Variants in CLEC2A observed in about 807,000 individuals in gnomAD.
The protein encoded by CLEC2A is keratinocyte-associated C-type lectin.
In CLEC2A, 19 loss-of-function variants were observed where a neutral mutation model predicts 18.6. The observed-to-expected ratio is 1.02, with a 90% CI of 0.71 to 1.50. The LOEUF (loss-of-function observed/expected upper bound fraction) is 1.50. Ranked by LOEUF, CLEC2A falls within the 40% of genes most tolerant of loss-of-function variation. CLEC2A has a pLI of 0.00. For missense variants in CLEC2A, 190 were observed against 207.9 expected (o/e 0.91, Z 0.53); for synonymous variants, 74 against 64.0 (o/e 1.16, Z -0.75).
the CLEC2A span, among the ~76,000 whole-genome samples, chr12:9,879,017 A>G: frequency 6.6e-6 from 1 of 152,162 alleles, no homozygotes; most frequent in South Asian, 2.1e-4. Context: ...TCTGATATCA[A>G]CGGCAATAAT....
the CLEC2A span, among the ~76,000 whole-genome samples, chr12:9,879,359 G>T: frequency 6.6e-6 from 1 of 152,148 alleles, no homozygotes; most frequent in African/African-American, 2.4e-5. Flanking sequence ...AACTGGGGAG[G>T]AGGTAGGTTT....
intron 4 of CLEC2A, among the ~76,000 whole-genome samples, chr12:9,907,750 C>G (rs1288841012): frequency 6.6e-6 from 1 of 152,152 alleles, no homozygotes; most frequent in Non-Finnish European, 1.5e-5. Context: ...CTAGGGGAAT[C>G]TGTGAACCCT....
downstream of CLEC2A, among the ~76,000 whole-genome samples, chr12:9,897,555 C>T (rs1257298860): frequency 2.7e-5 from 4 of 148,444 alleles, no homozygotes; most frequent in Admixed American, 2.0e-4. Context: ...AGAAAACGCT[C>T]AGTATAAAAA....
chr12:9,907,366 A>T (rs1862920777), intron 4 of CLEC2A, among the ~76,000 whole-genome samples: 1 of 152,196 alleles, frequency 6.6e-6, no homozygotes, highest in South Asian at 2.1e-4. Context: ...TTGGTATAAA[A>T]GTTTAGTTTT....
At chr12:9,885,032 C>A in the CLEC2A span, 36 of 1,190,382 alleles carry the variant, frequency 3.0e-5, no homozygotes, top group African/African-American at 3.8e-4. Context: ...GAAGTTCTGG[C>A]GTGAGTAGTA....
At chr12:9,927,417 T>C (rs796356459) in intron 1 of CLEC2A, among the ~76,000 whole-genome samples, 14 of 152,340 alleles carry the variant, frequency 9.2e-5, no homozygotes, top group African/African-American at 2.9e-4. Context: ...CATTGTTCTA[T>C]GGTGCATGAC....
chr12:9,905,667 A>G (rs1862897005), intron 4 of CLEC2A, among the ~76,000 whole-genome samples: 1 of 151,612 alleles, frequency 6.6e-6, no homozygotes, highest in South Asian at 2.1e-4. Context: ...CATTCTTTCT[A>G]CTCTTCCTGA....
chr12:9,912,085 G>GA (rs143502158), downstream of CLEC2A, among the ~76,000 whole-genome samples: 11,346 of 150,462 alleles, frequency 0.075, 484 homozygotes, highest in African/African-American at 0.1. Context: ...CCTCTAAAAG[G>GA]AAAAAAAAAT....
rs918636953 is a variant in CLEC2A at position 9,929,817 on chromosome 12, T to C, written c.55+2458A>G. ...CAAGATGTCCAATACAAAAATTAGC[T>C]ATTTCTTGAAAGATCAGTAGATTAC... On this transcript the variant is annotated intron_variant, in intron 1 of 4. Transcript: ENST00000455827. Among the ~76,000 whole-genome samples the C allele has an allele frequency of 3.9e-5, 6 of 152,292 alleles. No homozygotes were observed. The East Asian group carries it at 5.8e-4, about 15-fold the overall frequency.
At chr12:9,906,249 T>C (rs1231705188) in intron 4 of CLEC2A, among the ~76,000 whole-genome samples, 2 of 152,122 alleles carry the variant, frequency 1.3e-5, no homozygotes, top group Non-Finnish European at 2.9e-5. Context: ...CATATTTTGA[T>C]TAATTTTTCC....
chr12:9,931,075 T>G (rs1027465310), intron 1 of CLEC2A, among the ~76,000 whole-genome samples: 6 of 152,140 alleles, frequency 3.9e-5, no homozygotes, highest in Admixed American at 3.9e-4. Flanking sequence ...TTCTAATGAT[T>G]CCTGCAGCCC....
the CLEC2A span, among the ~76,000 whole-genome samples, chr12:9,888,266 G>A: frequency 1.5e-4 from 22 of 151,724 alleles, no homozygotes; most frequent in Admixed American, 7.2e-4. Context: ...CGAGGCGGGC[G>A]GATCACGAGG....
In CLEC2A at chr12:9,898,814, T is replaced by C. The variant is rs1241854777; in HGVS notation, c.*90A>G. 7 of 626,126 alleles carry C rather than the reference T, an allele frequency of 1.1e-5. No individual in the cohort carries two copies. In the Admixed American group the frequency reaches 1.4e-4, roughly 12 times the overall value. 38.8% of individuals were successfully genotyped at this position (626,126 alleles called of 1,614,324 possible). ...AGAAGTACATCTAACTGCCGTTATA[T>C]TAAGGATAAGGATGAAGACAGATTT... On this transcript the variant is annotated 3_prime_UTR_variant, in exon 5 of 5. Transcript: ENST00000339766.
chr12:9,916,521 A>G (rs537955033), intron 4 of CLEC2A, among the ~76,000 whole-genome samples, 179 bp downstream of exon 4: 23 of 152,278 alleles, frequency 1.5e-4, no homozygotes, highest in Non-Finnish European at 2.5e-4. Flanking sequence ...TGAGAAGAAA[A>G]TGGGTTGCTC....
intron 4 of CLEC2A, among the ~76,000 whole-genome samples, chr12:9,901,880 A>G (rs1862833747): frequency 6.6e-6 from 1 of 152,230 alleles, no homozygotes; most frequent in South Asian, 2.1e-4. Flanking sequence ...TTATGATTTT[A>G]TTTCAATGCT....
At chr12:9,878,474 A>AG in the CLEC2A span, among the ~76,000 whole-genome samples, 1 of 152,204 alleles carries the variant, frequency 6.6e-6, no homozygotes, top group African/African-American at 2.4e-5. Context: ...TGAATTTACT[A>AG]GGGAAATACG....
At chr12:9,913,205 C>T (rs944790208), downstream of CLEC2A, 29 of 269,770 alleles carry the variant, frequency 1.1e-4, no homozygotes, top group Non-Finnish European at 1.6e-4. Context: ...CATAATTTAT[C>T]AGTGTTTATT....
At chr12:9,903,690 T>A (rs1224831333) in intron 4 of CLEC2A, among the ~76,000 whole-genome samples, 1 of 152,208 alleles carries the variant, frequency 6.6e-6, no homozygotes, top group African/African-American at 2.4e-5. Context: ...TTTAATAGCA[T>A]CTTTAGTATA....
rs1308901482 is a variant in CLEC2A at position 9,926,272 on chromosome 12, T to C, written c.127A>G (p.Ile43Val). 1.9e-6 allele frequency: 3 copies of C among 1,542,728 alleles called. No individual in the cohort carries two copies. Among genetic ancestry groups the C allele is most frequent in the Admixed American group, 2.0e-5 (1 of 50,956 alleles). ...FLSIIITTVC[I>V]IMIATWSKHA... ...TTAAACCACTCACCTATCATAATAA[T>C]GCAAACTGTAGTAATAATAATACTC... Residue 43 changes from isoleucine to valine, a missense_variant, in exon 2 of 5, where the codon ATT becomes GTT. Coordinates refer to ENST00000455827, the MANE Select transcript of CLEC2A (RefSeq NM_001130711.2).
Sources: gnomAD v4.1 joint callset for allele counts (sites outside exome capture counted in the v4.1 genomes callset) on GRCh38, gnomAD v4.1.1 for gene constraint, MANE v1.5 for transcripts, NCBI Gene and HGNC (gene_info 2026-07-23, HGNC 2026-07-21) for gene names.